PTPN4: variants seen among roughly 807,000 people sequenced by gnomAD.
The protein encoded by PTPN4 is tyrosine-protein phosphatase non-receptor type 4.
PTPN4 carries 49 observed loss-of-function variants against 135.5 expected under a neutral mutation model. The ratio of observed to expected loss-of-function variants is 0.36; its 90% CI spans 0.29 to 0.46. The LOEUF (loss-of-function observed/expected upper bound fraction) is 0.46, where lower values mean the gene tolerates loss of function less well. Among genes scored for constraint, PTPN4 ranks in the 20% least tolerant of loss-of-function variants. PTPN4 has a pLI of 1.00. For synonymous variants in PTPN4, 333 were observed against 369.9 expected, an observed-to-expected ratio of 0.90 and a Z score of 1.14; for missense variants, 860 against 1,101.0, an observed-to-expected ratio of 0.78 and a Z score of 3.10.
At position 119,977,502 on chromosome 2, in the gene PTPN4, A is replaced by T; in HGVS notation, c.*432A>T. On this transcript the variant is annotated 3_prime_UTR_variant, in exon 27 of 27. Transcript: ENST00000263708. ...TTGCGTACTTACTATACTGATTACC[A>T]GATTTTATTTTTAAAATTTTAGCAA... 1 of 153,366 alleles carries T rather than the reference A, an allele frequency of 6.5e-6. No individual in the cohort carries two copies. Among genetic ancestry groups the T allele is most frequent in the East Asian group, 1.9e-4 (1 of 5,222 alleles). 9.5% of individuals were successfully genotyped at this position (153,366 alleles called of 1,614,324 possible). A position where few individuals can be genotyped will look rare whatever the true frequency, so the allele number is the denominator to read the frequency against.
At chr2:119,950,350 A>G (rs1679195235) in intron 18 of PTPN4, among the ~76,000 whole-genome samples, 1 of 152,210 alleles carries the variant, frequency 6.6e-6, no homozygotes, top group African/African-American at 2.4e-5. Context: ...GTAGACAAAA[A>G]AGCAACTTGA....
chr2:119,918,002 A>G (rs1181359060), intron 11 of PTPN4, among the ~76,000 whole-genome samples: 1 of 152,218 alleles, frequency 6.6e-6, no homozygotes, highest in Non-Finnish European at 1.5e-5. Flanking sequence ...GTGAATATGT[A>G]TGCATCTTAG....
intron 3 of PTPN4, among the ~76,000 whole-genome samples, chr2:119,872,625 A>G (rs951871533): frequency 6.6e-6 from 1 of 152,006 alleles, no homozygotes; most frequent in Non-Finnish European, 1.5e-5. Flanking sequence ...CCTGACTACC[A>G]CTACTCCCCA....
chr2:119,891,472 G>A (rs551358498), intron 9 of PTPN4, among the ~76,000 whole-genome samples: 10 of 152,148 alleles, frequency 6.6e-5, no homozygotes, highest in South Asian at 2.1e-4. Flanking sequence ...ACTGGCGCAC[G>A]CCACCATGCC....
chr2:119,808,026 C>G (rs1346784962), intron 1 of PTPN4, among the ~76,000 whole-genome samples: 1 of 152,180 alleles, frequency 6.6e-6, no homozygotes, highest in Non-Finnish European at 1.5e-5. Flanking sequence ...AATTCAACAG[C>G]CTTTCATGCT....
chr2:119,960,978 A>G, intron 23 of PTPN4, 25 bp downstream of exon 23: 1 of 1,602,196 alleles, frequency 6.2e-7, no homozygotes, highest in Non-Finnish European at 8.5e-7. Flanking sequence ...AATCTTACAC[A>G]TTGCTTGGAC....
chr2:119,955,279 C>T lies in PTPN4; in HGVS notation c.1936C>T (p.Leu646=). ...TTCCCTGCGGGAGTCAATGATCCAGCTAGCTGAGGGGCTTATCACTGGAAC... is the reference window on the plus strand; with the variant it reads ...TTCCCTGCGGGAGTCAATGATCCAGTTAGCTGAGGGGCTTATCACTGGAAC... ...DHSLRESMIQ[L]AEGLITGTVL... Residue 646 remains leucine, a synonymous_variant, in exon 20 of 27, where the codon CTA becomes TTA. Transcript: ENST00000263708. 6.2e-7 allele frequency: 1 copy of T among 1,613,304 alleles called. No individual in the cohort carries two copies. Among genetic ancestry groups the T allele is most frequent in the Non-Finnish European group, 8.5e-7 (1 of 1,179,718 alleles).
At chr2:119,778,157 T>C (rs1258937168) in intron 1 of PTPN4, among the ~76,000 whole-genome samples, 1 of 152,154 alleles carries the variant, frequency 6.6e-6, no homozygotes, top group African/African-American at 2.4e-5. Context: ...ATATTCTCAT[T>C]GACTGGTAGT....
At chr2:119,902,838 G>A in intron 10 of PTPN4, among the ~76,000 whole-genome samples, 1 of 152,172 alleles carries the variant, frequency 6.6e-6, no homozygotes, top group East Asian at 1.9e-4. Context: ...ACTAGCATAG[G>A]GAGCTGCCTG....
rs548907312 is a variant in PTPN4 at position 119,945,221 on chromosome 2, C to T, written c.1496C>T (p.Ser499Phe). 6.3e-7 allele frequency: 1 copy of T among 1,575,802 alleles called. No homozygotes were observed. Among genetic ancestry groups the T allele is most frequent in the African/African-American group, 1.4e-5 (1 of 72,734 alleles). The change falls in exon 16 of 27, where the codon TCT becomes TTT. Residue 499 changes from serine (S) to phenylalanine (F), a missense_variant. Ser to Phe is a radical substitution (Grantham distance 155, BLOSUM62 -2). Transcript: ENST00000263708. ...ATTAATGAAACATTTGATATTCCATCTTCTCCTGAAAAACCCACTGTAAGT... is the reference window on the plus strand; with the variant it reads ...ATTAATGAAACATTTGATATTCCATTTTCTCCTGAAAAACCCACTGTAAGT... ...SHINETFDIP[S>F]SPEKPTPNGG... is the part of the protein sequence containing the mutation.
intron 2 of PTPN4, among the ~76,000 whole-genome samples, chr2:119,819,343 A>G (rs1329024423): frequency 1.3e-5 from 2 of 152,212 alleles, no homozygotes; most frequent in African/African-American, 4.8e-5. Context: ...TGCTTGTAAC[A>G]GGAGAATATT....
rs369848903 is a variant in PTPN4 at position 119,871,420 on chromosome 2, T to C, written c.247-5903T>C. Among the ~76,000 whole-genome samples, 11 of 152,224 alleles carry C rather than the reference T, an allele frequency of 7.2e-5. No homozygotes were observed. The South Asian group carries it at 2.3e-3, about 32-fold the overall frequency. On this transcript the variant is annotated intron_variant, in intron 3 of 26. Coordinates refer to ENST00000263708, the MANE Select transcript of PTPN4 (RefSeq NM_002830.4). ...ATAGTTGAATAAAGTATGTGACATC[T>C]GCTGGGCATGGTGGTGCATGCCTGC...
At chr2:119,965,473 G>C in intron 24 of PTPN4, 24 bp from the exon 25 acceptor site, 1 of 1,587,590 alleles carries the variant, frequency 6.3e-7, no homozygotes, top group Non-Finnish European at 8.6e-7. Flanking sequence ...AAGTCAAGGT[G>C]CATAATTTTT....
chr2:119,797,056 G>T (rs1370027744), intron 1 of PTPN4, among the ~76,000 whole-genome samples: 1 of 151,754 alleles, frequency 6.6e-6, no homozygotes, highest in Non-Finnish European at 1.5e-5. Context: ...TTTTTTAATT[G>T]TTTTTTTCTT....
chr2:119,919,823 C>CA (rs768606079), intron 11 of PTPN4, among the ~76,000 whole-genome samples: 4,056 of 63,988 alleles, frequency 0.063, 210 homozygotes, highest in African/African-American at 0.14. Flanking sequence ...GACTGTGTCT[C>CA]AAAAAAAAAA....
chr2:119,901,989 G>A (rs1678411653), intron 10 of PTPN4, among the ~76,000 whole-genome samples: 2 of 152,172 alleles, frequency 1.3e-5, no homozygotes, highest in South Asian at 4.1e-4. Context: ...AATAAAGAGA[G>A]AGAAGATCAG....
At chr2:119,841,721 C>T (rs1301158293) in intron 2 of PTPN4, among the ~76,000 whole-genome samples, 1 of 152,170 alleles carries the variant, frequency 6.6e-6, no homozygotes, top group Non-Finnish European at 1.5e-5. Context: ...TTTCTTCTCC[C>T]TTCCCATGCT....
intron 2 of PTPN4, among the ~76,000 whole-genome samples, chr2:119,854,439 C>T (rs72969172): frequency 0.025 from 3,853 of 152,202 alleles, 161 homozygotes; most frequent in African/African-American, 0.087. Flanking sequence ...TAATAACTCC[C>T]GTAATATTCC....
intron 1 of PTPN4, among the ~76,000 whole-genome samples, chr2:119,784,555 T>G (rs1691009563): frequency 6.6e-6 from 1 of 150,954 alleles, no homozygotes; most frequent in African/African-American, 2.4e-5. Flanking sequence ...CCCGGCTAAT[T>G]TTTTGTATTT....
Sources: gnomAD v4.1 joint callset for allele counts (sites outside exome capture counted in the v4.1 genomes callset) on GRCh38, gnomAD v4.1.1 for gene constraint, MANE v1.5 for transcripts, NCBI Gene and HGNC (gene_info 2026-07-23, HGNC 2026-07-21) for gene names.